Variants in SLC9A8 observed in about 807,000 individuals in gnomAD.
SLC9A8 encodes sodium/hydrogen exchanger 8.
Under a neutral mutation model 66.6 loss-of-function variants are expected in SLC9A8, and 48 were observed. The observed-to-expected ratio is 0.72, with a 90% CI of 0.57 to 0.92. SLC9A8 has a LOEUF of 0.92. Among genes scored for constraint, SLC9A8 ranks in the 40% least tolerant of loss-of-function variants. The pLI, the probability that SLC9A8 is intolerant of heterozygous loss-of-function variation, is 0.00. For synonymous variants in SLC9A8, 274 were observed against 282.6 expected (o/e 0.97, Z 0.31); for missense variants, 599 against 747.3 (o/e 0.80, Z 2.31).
intron 2 of SLC9A8, among the ~76,000 whole-genome samples, chr20:49,822,257 A>G (rs2086767255): frequency 6.6e-6 from 1 of 152,208 alleles, no homozygotes; most frequent in East Asian, 1.9e-4. Context: ...CCTGTTTGTA[A>G]AACCCTTACT....
rs71335517 is a variant in SLC9A8, at chr20:49,834,139, GTCTCTCTCTCTC to G, written c.290-5366_290-5355del. 8.2e-3 allele frequency among the ~76,000 whole-genome samples: 534 copies of G among 65,344 alleles called. 11 individuals are homozygous for G. The highest frequency in any genetic ancestry group is 0.037 in the East Asian group (86 of 2,312). The allele number at this position is 65,344 out of a possible 152,430, so 42.9% of individuals were successfully genotyped here. On this transcript the variant is annotated intron_variant, in intron 3 of 15. Transcript: ENST00000361573. ...TGGTGCACGCTTGTAATATTAGCTT[GTCTCTCTCTCTC>G]TCTCTCTCTCTCTCTCTCTCTCTCT...
In SLC9A8 at chr20:49,881,028, G is replaced by A. The variant is rs1481324887; in HGVS notation, c.1263G>A (p.Trp421Ter). Residue 421 changes from tryptophan (W) to a stop codon, truncating the protein, a stop_gained, in exon 13 of 16, where the codon TGG becomes TGA. Transcript: ENST00000361573. LOFTEE classifies it high-confidence loss of function. ...CACCGAAGATGATGTTCATCATGTG[G>A]TTTAGTGGTAAGTCAAATCTTGGAT... ...KITPKMMFIM[W>*]FSGLRGAIPY... 6.2e-7 allele frequency: 1 copy of A among 1,608,282 alleles called. No individual in the cohort carries two copies.
intron 5 of SLC9A8, among the ~76,000 whole-genome samples, chr20:49,848,165 C>T (rs187624964): frequency 1.4e-3 from 220 of 152,134 alleles, no homozygotes; most frequent in Middle Eastern, 0.01. Context: ...CTTAGATGAT[C>T]CACCCGCCTT....
intron 3 of SLC9A8, chr20:49,831,144 A>G (rs2087168410): frequency 4.0e-6 from 2 of 501,484 alleles, no homozygotes; most frequent in Non-Finnish European, 7.4e-6. Flanking sequence ...TCTTCCTCAC[A>G]TGGGGTCAGG....
At chr20:49,870,315 T>C (rs1473652965) in intron 10 of SLC9A8, among the ~76,000 whole-genome samples, 1 of 152,156 alleles carries the variant, frequency 6.6e-6, no homozygotes, top group Non-Finnish European at 1.5e-5. Context: ...ATTAAAGCCA[T>C]GTGACAGAGA....
rs959553163 is a variant in SLC9A8, at chr20:49,888,340, C to T, written c.*404C>T. 1.2e-4 allele frequency: 21 copies of T among 180,824 alleles called. No homozygotes were observed. The highest frequency in any genetic ancestry group is 5.5e-4 in the Admixed American group (10 of 18,204). The allele number at this position is 180,824 out of a possible 1,614,324, so 11.2% of individuals were successfully genotyped here. On this transcript the variant is annotated 3_prime_UTR_variant, in exon 16 of 16. Transcript: ENST00000361573. Reference sequence around the variant, plus strand: ...CCAGCCACTGCCTTCATGCTGCCCCCGCCGGACTGGCAGAGCCAGGGGTCA... The same window carrying T: ...CCAGCCACTGCCTTCATGCTGCCCCTGCCGGACTGGCAGAGCCAGGGGTCA...
rs894969248 is a variant in SLC9A8 at position 49,818,043 on chromosome 20, T to C, written c.208+2854T>C. ...AGGCGGGCCTGGAAAAAAAAAACTT[T>C]TGTAATCACTTTTTTTTTAAGGGAA... On this transcript the variant is annotated intron_variant, in intron 2 of 15. Transcript: ENST00000361573. 1.1e-4 allele frequency among the ~76,000 whole-genome samples: 16 copies of C among 152,336 alleles called. No individual in the cohort carries two copies. The South Asian group carries it at 2.7e-3, about 26-fold the overall frequency.
At chr20:49,873,006 C>T (rs2089274697) in intron 10 of SLC9A8, among the ~76,000 whole-genome samples, 1 of 152,140 alleles carries the variant, frequency 6.6e-6, no homozygotes. Context: ...CCTGTGAGTT[C>T]CTCAGGAGTG....
intron 3 of SLC9A8, among the ~76,000 whole-genome samples, chr20:49,832,593 C>T (rs769301334): frequency 1.3e-5 from 2 of 152,214 alleles, no homozygotes; most frequent in Non-Finnish European, 2.9e-5. Context: ...CAGGGTCCTT[C>T]CCCTCTCCCC....
At chr20:49,820,964 T>A (rs1419917063) in intron 2 of SLC9A8, among the ~76,000 whole-genome samples, 1 of 152,226 alleles carries the variant, frequency 6.6e-6, no homozygotes, top group African/African-American at 2.4e-5. Context: ...CCTATGCCCG[T>A]TTAAAAGCTG....
intron 5 of SLC9A8, among the ~76,000 whole-genome samples, chr20:49,847,176 C>T (rs1034951308): frequency 4.6e-5 from 7 of 151,948 alleles, no homozygotes; most frequent in African/African-American, 1.7e-4. Flanking sequence ...AAAATATTCA[C>T]AAGTCTTACA....
Position 49,884,273 on chromosome 20 carries a change from CGACACACACACACACG to C in SLC9A8, c.1491+208_1491+223del, listed in dbSNP as rs1568883958. On this transcript the variant is annotated intron_variant, in intron 14 of 15. Coordinates refer to ENST00000361573, the MANE Select transcript of SLC9A8 (RefSeq NM_015266.3). ...CACACACACACGACACACACACACA[CGACACACACACACACG>C]ACACACACACACACACACACACACA... 24 of 208,966 alleles carry C rather than the reference CGACACACACACACACG, an allele frequency of 1.1e-4. No individual in the cohort carries two copies. The African/African-American group carries it at 1.4e-3, about 12-fold the overall frequency. 12.9% of individuals were successfully genotyped at this position (208,966 alleles called of 1,614,324 possible).
Position 49,884,290 on chromosome 20 carries a change from A to ACACACACACACGCGCGCG in SLC9A8, c.1491+235_1491+236insGCGCGCGCACACACACAC, listed in dbSNP as rs1568884271. 5 of 128,462 alleles carry ACACACACACACGCGCGCG rather than the reference A, an allele frequency of 3.9e-5. No homozygotes were observed. The East Asian group carries it at 9.8e-4, about 25-fold the overall frequency. 8.0% of individuals were successfully genotyped at this position (128,462 alleles called of 1,614,324 possible). A position where few individuals can be genotyped will look rare whatever the true frequency, so the allele number is the denominator to read the frequency against. On this transcript the variant is annotated intron_variant, in intron 14 of 15. Coordinates refer to ENST00000361573, the MANE Select transcript of SLC9A8 (RefSeq NM_015266.3). ...CACACACACGACACACACACACACGACACACACACACACACACACACACAC... is the reference window on the plus strand; with the variant it reads ...CACACACACGACACACACACACACGACACACACACACGCGCGCGCACACACACACACACACACACACAC...
intron 2 of SLC9A8, among the ~76,000 whole-genome samples, chr20:49,822,643 T>C (rs1209708544): frequency 6.6e-6 from 1 of 152,028 alleles, no homozygotes; most frequent in Non-Finnish European, 1.5e-5. Flanking sequence ...AAAAATTAGT[T>C]GGGTGTGGTG....
At chr20:49,878,179 A>T (rs987268273) in intron 12 of SLC9A8, 116 bp downstream of exon 12, 3 of 530,484 alleles carry the variant, frequency 5.7e-6, no homozygotes, top group Non-Finnish European at 6.2e-6. Context: ...CTACATAGAC[A>T]CTCTTTTGTT....
chr20:49,852,145 G>A (rs566433462), intron 7 of SLC9A8, among the ~76,000 whole-genome samples: 1 of 152,192 alleles, frequency 6.6e-6, no homozygotes, highest in Non-Finnish European at 1.5e-5. Flanking sequence ...GCCTGGCAGA[G>A]CACTTAACAG....
At chr20:49,822,862 A>T (rs1392982619) in intron 2 of SLC9A8, among the ~76,000 whole-genome samples, 199 bp from the exon 3 acceptor site, 1 of 152,230 alleles carries the variant, frequency 6.6e-6, no homozygotes, top group Non-Finnish European at 1.5e-5. Context: ...AGAAGTATAG[A>T]GAAAATATAA....
chr20:49,865,755 G>T (rs2088936373), intron 10 of SLC9A8, among the ~76,000 whole-genome samples: 2 of 152,194 alleles, frequency 1.3e-5, no homozygotes, highest in East Asian at 1.9e-4. Context: ...TTGTTACGTT[G>T]TAAGGATGTT....
chr20:49,877,905 T>G, intron 11 of SLC9A8, 76 bp from the exon 12 acceptor site: 1 of 962,622 alleles, frequency 1.0e-6, no homozygotes, highest in Middle Eastern at 2.2e-4. Flanking sequence ...TGTGAATGTT[T>G]GCTTGCTTAA....
Sources: gnomAD v4.1 joint callset for allele counts (sites outside exome capture counted in the v4.1 genomes callset) on GRCh38, gnomAD v4.1.1 for gene constraint, MANE v1.5 for transcripts, NCBI Gene and HGNC (gene_info 2026-07-23, HGNC 2026-07-21) for gene names.